The following FAM110B variants were observed in gnomAD, a reference collection of about 807,000 sequenced individuals.
FAM110B encodes protein FAM110B.
A neutral mutation model predicts 20.4 loss-of-function variants in FAM110B; 6 were observed. That is an observed-to-expected ratio of 0.29 (90% CI 0.16 to 0.58). The LOEUF is 0.58. Among genes scored for constraint, FAM110B ranks in the 20% least tolerant of loss-of-function variants. The pLI, the probability that FAM110B is intolerant of heterozygous loss-of-function variation, is 0.90. For missense variants in FAM110B, 434 were observed against 498.2 expected, an observed-to-expected ratio of 0.87 and a Z score of 1.23; for synonymous variants, 226 against 214.1, an observed-to-expected ratio of 1.06 and a Z score of -0.49.
intron 3 of FAM110B, among the ~76,000 whole-genome samples, chr8:58,117,590 G>T (rs963866947): frequency 2.0e-5 from 3 of 152,188 alleles, no homozygotes; most frequent in African/African-American, 7.2e-5. Context: ...GTAAAGTATT[G>T]AATGCCTTAG....
At chr8:58,131,029 C>A (rs1158571128) in intron 3 of FAM110B, among the ~76,000 whole-genome samples, 1 of 152,154 alleles carries the variant, frequency 6.6e-6, no homozygotes, top group African/African-American at 2.4e-5. Context: ...TAGGCACAGG[C>A]CCCATCCCAC....
In FAM110B at chr8:58,136,003, C is replaced by CT. The variant is rs5891669; in HGVS notation, c.-324-9878dup. 4.6e-4 allele frequency among the ~76,000 whole-genome samples: 33 copies of CT among 71,488 alleles called. 2 individuals carry two copies. The highest frequency in any genetic ancestry group is 3.4e-3 in the South Asian group (5 of 1,474). 46.9% of individuals were successfully genotyped at this position (71,488 alleles called of 152,430 possible). A position where few individuals can be genotyped will look rare whatever the true frequency, so the allele number is the denominator to read the frequency against. ...TCAGACTTACAGTAGCCAGCAAGTCCTTTTTTTTTTTTTTTTTTTTTTTTT... is the reference window on the plus strand; with the variant it reads ...TCAGACTTACAGTAGCCAGCAAGTCCTTTTTTTTTTTTTTTTTTTTTTTTTT... On this transcript the variant is annotated intron_variant, in intron 3 of 3. Coordinates refer to ENST00000519262, the MANE Select transcript of FAM110B (RefSeq NM_001377989.1).
At chr8:58,143,908 T>A (rs10087262) in intron 3 of FAM110B, among the ~76,000 whole-genome samples, 53,649 of 152,090 alleles carry the variant, frequency 0.35, 9,798 homozygotes, top group Non-Finnish European at 0.41. Context: ...CTAAGAACAG[T>A]CAGTGCGGGA....
chr8:58,135,272 T>A (rs571752879), intron 3 of FAM110B, among the ~76,000 whole-genome samples: 1 of 152,212 alleles, frequency 6.6e-6, no homozygotes, highest in African/African-American at 2.4e-5. Context: ...AAGGCATTAT[T>A]ACAGTTCTGG....
Position 58,048,814 on chromosome 8 carries a change from A to G in FAM110B, c.-414+17111A>G, listed in dbSNP as rs115217888. 2.9e-3 allele frequency among the ~76,000 whole-genome samples: 447 copies of G among 152,310 alleles called. 1 individual carries two copies. The highest frequency in any genetic ancestry group is 0.01 in the African/African-American group (423 of 41,588). ...CACAGCAGATGTTAAACATCTGATC[A>G]CTGAGTTTCAGAAATTTTTTTTAGG... On this transcript the variant is annotated intron_variant, in intron 2 of 3. Transcript: ENST00000519262.
intron 3 of FAM110B, among the ~76,000 whole-genome samples, chr8:58,081,624 T>C (rs1806194819): frequency 6.6e-6 from 1 of 152,178 alleles, no homozygotes; most frequent in Admixed American, 6.5e-5. Context: ...GCTCTTCTGC[T>C]TACTCAAAGT....
chr8:58,127,779 C>A (rs770381587), intron 3 of FAM110B, among the ~76,000 whole-genome samples: 6 of 152,110 alleles, frequency 3.9e-5, no homozygotes, highest in Non-Finnish European at 7.4e-5. Context: ...CTGAAACCTA[C>A]AAAACACTGA....
chr8:58,020,866 G>T (rs140249133), intron 1 of FAM110B, among the ~76,000 whole-genome samples: 12 of 152,100 alleles, frequency 7.9e-5, no homozygotes, highest in African/African-American at 2.9e-4. Flanking sequence ...TTATTACTGC[G>T]AGTCTCTCTC....
At chr8:58,059,608 G>T (rs1241453177) in intron 2 of FAM110B, among the ~76,000 whole-genome samples, 1 of 148,920 alleles carries the variant, frequency 6.7e-6, no homozygotes, top group African/African-American at 2.5e-5. Flanking sequence ...CTGTTCTTTT[G>T]TTATTGATTT....
chr8:58,111,343 T>G (rs1807053886), intron 3 of FAM110B, among the ~76,000 whole-genome samples: 1 of 152,356 alleles, frequency 6.6e-6, no homozygotes, highest in African/African-American at 2.4e-5. Flanking sequence ...CTTATATTCC[T>G]GTGAATTTTT....
intron 3 of FAM110B, among the ~76,000 whole-genome samples, chr8:58,140,061 C>A (rs1233162744): frequency 2.0e-5 from 3 of 152,146 alleles, no homozygotes; most frequent in Admixed American, 2.0e-4. Flanking sequence ...GGAGGGACCA[C>A]TGTAGTTGTA....
chr8:58,114,635 C>A (rs1215979888), intron 3 of FAM110B, among the ~76,000 whole-genome samples: 1 of 152,166 alleles, frequency 6.6e-6, no homozygotes, highest in Non-Finnish European at 1.5e-5. Context: ...TCTCCACTGG[C>A]AGCAAGGTGA....
intron 3 of FAM110B, among the ~76,000 whole-genome samples, chr8:58,102,713 G>A (rs1033429334): frequency 8.5e-5 from 13 of 152,076 alleles, no homozygotes; most frequent in Admixed American, 7.9e-4. Flanking sequence ...TGGTGCCCCA[G>A]TACAGCCTCT....
intron 3 of FAM110B, among the ~76,000 whole-genome samples, chr8:58,094,052 C>T (rs936458335): frequency 6.6e-6 from 1 of 152,060 alleles, no homozygotes; most frequent in African/African-American, 2.4e-5. Flanking sequence ...CTCTGTTTGT[C>T]TATTATTGGT....
chr8:58,146,556 G>T lies in FAM110B; in HGVS notation c.326G>T (p.Ser109Ile). The change falls in exon 4 of 4, where the codon AGC (serine) becomes ATC (isoleucine). Residue 109 changes from serine (S) to isoleucine (I), a missense_variant. Around this residue, in one of 3 missense-constraint regions of FAM110B, gnomAD observed 284 missense variants for 278.3 expected, o/e 1.02. Coordinates refer to ENST00000519262, the MANE Select transcript of FAM110B (RefSeq NM_001377989.1). ...KVFGNHAKTE[S>I]GVQRENLKLE... is the part of the protein sequence containing the mutation. Reference sequence around the variant, plus strand: ...TTCGGCAACCACGCCAAGACCGAGAGCGGCGTGCAGAGGGAGAACCTGAAG... The same window carrying T: ...TTCGGCAACCACGCCAAGACCGAGATCGGCGTGCAGAGGGAGAACCTGAAG... 1 of 1,614,050 alleles carries T rather than the reference G, an allele frequency of 6.2e-7. No homozygotes were observed.
chr8:58,078,635 C>G (rs1422645150), intron 3 of FAM110B, among the ~76,000 whole-genome samples: 1 of 148,358 alleles, frequency 6.7e-6, no homozygotes, highest in Non-Finnish European at 1.5e-5. Flanking sequence ...ACTGCAAGCT[C>G]CGCCTTCCAG....
intron 1 of FAM110B, among the ~76,000 whole-genome samples, chr8:58,006,639 G>T (rs1412353643): frequency 6.7e-6 from 1 of 148,176 alleles, no homozygotes; most frequent in Non-Finnish European, 1.5e-5. Context: ...GTCTCACTCT[G>T]TCACCCAGGC....
intron 2 of FAM110B, among the ~76,000 whole-genome samples, chr8:58,052,029 C>T (rs1419227786): frequency 6.6e-6 from 1 of 152,150 alleles, no homozygotes; most frequent in Non-Finnish European, 1.5e-5. Context: ...TTCTTAAAGT[C>T]AGTATTCAAA....
intron 1 of FAM110B, among the ~76,000 whole-genome samples, chr8:58,021,932 T>G (rs1804763625): frequency 6.6e-6 from 1 of 152,192 alleles, no homozygotes. Context: ...CCTAATTGTT[T>G]TACACACATA....
Sources: gnomAD v4.1 joint callset for allele counts (sites outside exome capture counted in the v4.1 genomes callset) on GRCh38, gnomAD v4.1.1 for gene constraint, gnomAD v4.1.1 regional missense constraint, MANE v1.5 for transcripts, NCBI Gene and HGNC (gene_info 2026-07-23, HGNC 2026-07-21) for gene names.